LRSAM1: variants seen among roughly 807,000 people sequenced by gnomAD.
The protein encoded by LRSAM1 is leucine rich repeat and sterile alpha motif containing 1, also known as E3 ubiquitin-protein ligase LRSAM1.
A neutral mutation model predicts 118.1 loss-of-function variants in LRSAM1; 96 were observed. The ratio of observed to expected loss-of-function variants is 0.81; its 90% CI spans 0.69 to 0.96. The LOEUF (loss-of-function observed/expected upper bound fraction) is 0.96. Among genes scored for constraint, LRSAM1 ranks in the 40% least tolerant of loss-of-function variants. LRSAM1 has a pLI of 0.00. For missense variants in LRSAM1, 804 were observed against 915.5 expected, an observed-to-expected ratio of 0.88 and a Z score of 1.57; for synonymous variants, 322 against 364.2, an observed-to-expected ratio of 0.88 and a Z score of 1.32.
In LRSAM1 at chr9:127,479,400, G is replaced by A. The variant is rs1310474203; in HGVS notation, c.798G>A (p.Glu266=). ...YEKRKEQKML[E]KLEFERRLEL... ...TCTTGCAGGAACAGAAGATGCTGGAGAAACTCGAGTTTGAACGGCGCCTGG... is the reference window on the plus strand; with the variant it reads ...TCTTGCAGGAACAGAAGATGCTGGAAAAACTCGAGTTTGAACGGCGCCTGG... The change falls in exon 13 of 26, where the codon GAG becomes GAA. Residue 266 remains glutamate, a synonymous_variant. Transcript: ENST00000300417. The A allele has an allele frequency of 1.9e-6, 3 of 1,614,194 alleles. No individual in the cohort carries two copies. In the Admixed American group the frequency reaches 5.0e-5, roughly 27 times the overall value.
chr9:127,489,602 G>T, intron 19 of LRSAM1, 84 bp downstream of exon 19: 1 of 1,459,416 alleles, frequency 6.9e-7, no homozygotes. Context: ...CGCAGCAGTT[G>T]AGGTTTGAAC....
At chr9:127,473,162 T>G (rs1835235369) in intron 10 of LRSAM1, among the ~76,000 whole-genome samples, 1 of 152,246 alleles carries the variant, frequency 6.6e-6, no homozygotes, top group Admixed American at 6.5e-5. Context: ...TAGTATTTCT[T>G]GTGACGTGAC....
At chr9:127,454,379 C>G (rs1199482298) in intron 2 of LRSAM1, 117 bp from the exon 3 acceptor site, 1 of 798,018 alleles carries the variant, frequency 1.3e-6, no homozygotes, top group African/African-American at 1.7e-5. Flanking sequence ...GCCCCTGCCT[C>G]CATGGAACTC....
chr9:127,454,387 C>G (rs998971851), intron 2 of LRSAM1, 109 bp from the exon 3 acceptor site: 22 of 838,210 alleles, frequency 2.6e-5, no homozygotes, highest in Middle Eastern at 2.2e-4. Flanking sequence ...CTCCATGGAA[C>G]TCATGGTCCA....
At chr9:127,492,739 C>A in intron 20 of LRSAM1, 63 bp from the exon 21 acceptor site, 1 of 1,471,648 alleles carries the variant, frequency 6.8e-7, no homozygotes, top group Non-Finnish European at 9.4e-7. Context: ...CTCCATCCTG[C>A]CACTGCGGGA....
chr9:127,481,246 G>A lies in LRSAM1; in HGVS notation c.1088+19G>A, dbSNP rs932727553. The A allele has an allele frequency of 1.1e-5, 17 of 1,611,300 alleles. No homozygotes were observed. The highest frequency in any genetic ancestry group is 1.4e-5 in the Non-Finnish European group (16 of 1,179,380). Reference sequence around the variant, plus strand: ...ATGAAAGGTAAGTGTTCTTCCAGGGGAGGGCAGCATTTTTTTTTTTTTTTT... The same window carrying A: ...ATGAAAGGTAAGTGTTCTTCCAGGGAAGGGCAGCATTTTTTTTTTTTTTTT... On this transcript the variant is annotated intron_variant, in intron 15 of 25. Transcript: ENST00000300417.
At chr9:127,493,015 A>G in intron 21 of LRSAM1, 118 bp downstream of exon 21, 1 of 845,358 alleles carries the variant, frequency 1.2e-6, no homozygotes, top group Non-Finnish European at 2.0e-6. Context: ...GAAAAACTGG[A>G]AAGTACAAAG....
At chr9:127,495,100 T>C (rs993231097) in intron 21 of LRSAM1, among the ~76,000 whole-genome samples, 1 of 152,070 alleles carries the variant, frequency 6.6e-6, no homozygotes, top group South Asian at 2.1e-4. Context: ...TACAGGCATG[T>C]GCCGCCATGC....
intron 16 of LRSAM1, 95 bp downstream of exon 16, chr9:127,483,115 C>T: frequency 8.4e-7 from 1 of 1,189,748 alleles, no homozygotes; most frequent in South Asian, 1.3e-5. Context: ...CATGGAGGGC[C>T]CTGAGTGTTA....
chr9:127,491,479 G>T (rs549294693), intron 20 of LRSAM1, among the ~76,000 whole-genome samples, 184 bp downstream of exon 20: 3 of 152,182 alleles, frequency 2.0e-5, no homozygotes, highest in Admixed American at 2.0e-4. Context: ...AAGGCCCAGC[G>T]CAGGCCAAGG....
intron 19 of LRSAM1, among the ~76,000 whole-genome samples, chr9:127,490,584 G>A (rs116978231): frequency 0.014 from 2,165 of 152,206 alleles, 23 homozygotes; most frequent in Non-Finnish European, 0.022. Context: ...CAGAGAAAGG[G>A]ATCTCTCCCT....
intron 15 of LRSAM1, 101 bp downstream of exon 15, chr9:127,481,328 G>C (rs1835530878): frequency 7.6e-7 from 1 of 1,317,784 alleles, no homozygotes; most frequent in South Asian, 1.2e-5. Context: ...TCTCGGCTCA[G>C]TGCAACCCCC....
At chr9:127,454,392 G>A (rs1438207671) in intron 2 of LRSAM1, 104 bp from the exon 3 acceptor site, 1 of 862,314 alleles carries the variant, frequency 1.2e-6, no homozygotes, top group Non-Finnish European at 1.9e-6. Context: ...TGGAACTCAT[G>A]GTCCAGCAGA....
chr9:127,464,234 G>A (rs115290091), intron 9 of LRSAM1, among the ~76,000 whole-genome samples: 1,593 of 152,336 alleles, frequency 0.01, 32 homozygotes, highest in African/African-American at 0.036. Context: ...AGGGCCGGCT[G>A]GGGAGATGGG....
intron 14 of LRSAM1, 21 bp from the exon 15 acceptor site, chr9:127,481,162 C>T: frequency 1.2e-6 from 2 of 1,613,900 alleles, no homozygotes; most frequent in Non-Finnish European, 1.7e-6. Flanking sequence ...CTGCCAGGAC[C>T]TTTTATGATT....
chr9:127,477,527 A>G (rs1241253945), intron 11 of LRSAM1, among the ~76,000 whole-genome samples: 1 of 151,106 alleles, frequency 6.6e-6, no homozygotes, highest in Non-Finnish European at 1.5e-5. Context: ...AGTCGGGTGG[A>G]TGCTTGAGCT....
In LRSAM1 at chr9:127,479,970, C is replaced by G. The variant is rs766701971; in HGVS notation, c.1035C>G (p.Asp345Glu). Residue 345 changes from aspartate to glutamate, a missense_variant, in exon 14 of 26, where the codon GAC becomes GAG. By Grantham distance (45) the Asp-to-Glu change is conservative. Coordinates refer to ENST00000300417, the MANE Select transcript of LRSAM1 (RefSeq NM_001005373.4). ...ISSRIQKLLQ[D>E]NQRQKKSSEI... ...GCCGGATCCAGAAGCTGCTGCAGGA[C>G]AATCAGAGGTTGGGCTCTGCTCCTC... is the stretch of plus-strand genomic sequence containing the variant. The G allele has an allele frequency of 1.9e-5, 31 of 1,614,080 alleles. No homozygotes were observed. Among genetic ancestry groups the G allele is most frequent in the Non-Finnish European group, 2.5e-5 (29 of 1,180,044 alleles).
At chr9:127,468,074 C>CT (rs1331175399) in intron 10 of LRSAM1, among the ~76,000 whole-genome samples, 3 of 152,166 alleles carry the variant, frequency 2.0e-5, no homozygotes, top group Non-Finnish European at 4.4e-5. Flanking sequence ...GAAGGCCTGT[C>CT]TTTGAGAGTG....
At chr9:127,501,740 GA>G (rs1379254761) in intron 25 of LRSAM1, among the ~76,000 whole-genome samples, 1 of 152,066 alleles carries the variant, frequency 6.6e-6, no homozygotes, top group African/African-American at 2.4e-5. Flanking sequence ...TCAAAAAAAA[GA>G]AAAAATCATC....
Sources: gnomAD v4.1 joint callset for allele counts (sites outside exome capture counted in the v4.1 genomes callset) on GRCh38, gnomAD v4.1.1 for gene constraint, MANE v1.5 for transcripts, NCBI Gene and HGNC (gene_info 2026-07-23, HGNC 2026-07-21) for gene names.